IGF1R: variants seen among roughly 807,000 people sequenced by gnomAD.
IGF1R encodes the protein insulin-like growth factor 1 receptor.
Under a neutral mutation model 144.6 loss-of-function variants are expected in IGF1R, and 44 were observed. That is an observed-to-expected ratio of 0.30 (90% CI 0.24 to 0.39). IGF1R has a LOEUF of 0.39. Ranked by LOEUF, IGF1R falls within the 10% of genes least tolerant of loss-of-function variation. The pLI, the probability that IGF1R is intolerant of heterozygous loss-of-function variation, is 1.00. For synonymous variants in IGF1R, 795 were observed against 722.8 expected, an observed-to-expected ratio of 1.10 and a Z score of -1.60; for missense variants, 1,355 against 1,833.7, an observed-to-expected ratio of 0.74 and a Z score of 4.77.
intron 2 of IGF1R, among the ~76,000 whole-genome samples, chr15:98,723,839 C>A (rs548506499): frequency 6.6e-6 from 1 of 152,202 alleles, no homozygotes; most frequent in African/African-American, 2.4e-5. Flanking sequence ...TTTTTAAATG[C>A]ATGTTCTTAA....
chr15:98,938,981 T>A (rs1192857208), intron 17 of IGF1R, among the ~76,000 whole-genome samples: 1 of 152,160 alleles, frequency 6.6e-6, no homozygotes, highest in Non-Finnish European at 1.5e-5. Context: ...CCTCACCAGC[T>A]CTGATGTGGT....
At position 98,944,046 on chromosome 15, in the gene IGF1R, T is replaced by A. The variant is rs74859036; in HGVS notation, c.3587+994T>A. The stretch of plus-strand genomic sequence containing the variant: ...TTGCAATCAGCTTGTCCAAGATGGT[T>A]ATCTCTTCACTGTCAAATCAAAGTG... On this transcript the variant is annotated intron_variant, in intron 19 of 20. Transcript: ENST00000650285. Among the ~76,000 whole-genome samples, 32 of 152,348 alleles carry A rather than the reference T, an allele frequency of 2.1e-4. No homozygotes were observed. In the East Asian group the frequency reaches 6.2e-3, roughly 29 times the overall value.
At chr15:98,755,211 T>G (rs371163097) in intron 2 of IGF1R, among the ~76,000 whole-genome samples, 19 of 152,314 alleles carry the variant, frequency 1.2e-4, no homozygotes, top group African/African-American at 4.3e-4. Flanking sequence ...CGTAACATTT[T>G]TACTTTTTCT....
chr15:98,876,968 G>C (rs2013091821), intron 2 of IGF1R, among the ~76,000 whole-genome samples: 3 of 152,350 alleles, frequency 2.0e-5, no homozygotes, highest in East Asian at 1.9e-4. Flanking sequence ...GAAAAGAGTA[G>C]TGTAGCATTT....
chr15:98,816,419 G>A (rs1373029163), intron 2 of IGF1R, among the ~76,000 whole-genome samples: 1 of 152,148 alleles, frequency 6.6e-6, no homozygotes, highest in African/African-American at 2.4e-5. Flanking sequence ...GAAAGCACTT[G>A]CCTGTGTTGA....
intron 2 of IGF1R, among the ~76,000 whole-genome samples, chr15:98,814,774 A>T (rs1232244997): frequency 6.6e-6 from 1 of 151,352 alleles, no homozygotes; most frequent in African/African-American, 2.5e-5. Flanking sequence ...AAATGAATGG[A>T]AGACCAAAAA....
chr15:98,830,823 T>G (rs1345041678), intron 2 of IGF1R, among the ~76,000 whole-genome samples: 2 of 152,138 alleles, frequency 1.3e-5, no homozygotes, highest in African/African-American at 2.4e-5. Flanking sequence ...AGGCTGATCT[T>G]GAACTCCTGA....
chr15:98,708,530 T>C (rs971058978), intron 2 of IGF1R, among the ~76,000 whole-genome samples: 2 of 152,184 alleles, frequency 1.3e-5, no homozygotes, highest in Admixed American at 1.3e-4. Flanking sequence ...CGAAGTGATA[T>C]TTTTTGTTCT....
intron 2 of IGF1R, among the ~76,000 whole-genome samples, chr15:98,834,150 A>G (rs2057052178): frequency 6.6e-6 from 1 of 152,240 alleles, no homozygotes; most frequent in Admixed American, 6.5e-5. Flanking sequence ...TGTTGAAGTT[A>G]CAAGTTTACA....
At chr15:98,946,003 TGATGATGATGAC>T (rs1367956441) in intron 19 of IGF1R, among the ~76,000 whole-genome samples, 2 of 151,746 alleles carry the variant, frequency 1.3e-5, no homozygotes, top group African/African-American at 4.8e-5. Flanking sequence ...GATGCGGGGA[TGATGATGATGAC>T]GATGATGACG....
chr15:98,922,077 T>C (rs2015512564), intron 10 of IGF1R, 71 bp from the exon 11 acceptor site: 1 of 1,547,876 alleles, frequency 6.5e-7, no homozygotes, highest in African/African-American at 1.4e-5. Context: ...CTTCTGTTAC[T>C]CTTACTCAAG....
intron 2 of IGF1R, among the ~76,000 whole-genome samples, chr15:98,853,654 A>G (rs2011634857): frequency 6.6e-6 from 1 of 152,220 alleles, no homozygotes; most frequent in Non-Finnish European, 1.5e-5. Context: ...GTGGAGGATA[A>G]GCCTCCCTCC....
chr15:98,852,845 C>A (rs2011596274), intron 2 of IGF1R, among the ~76,000 whole-genome samples: 1 of 152,222 alleles, frequency 6.6e-6, no homozygotes, highest in South Asian at 2.1e-4. Context: ...GTCCTCCCTT[C>A]CCCCGGCATC....
At chr15:98,728,726 G>A (rs1434102046) in intron 2 of IGF1R, among the ~76,000 whole-genome samples, 5 of 152,240 alleles carry the variant, frequency 3.3e-5, no homozygotes, top group African/African-American at 9.6e-5. Context: ...GCACTCTCCC[G>A]AGGCCAGCTG....
chr15:98,917,091 T>C, intron 10 of IGF1R: 1 of 628,906 alleles, frequency 1.6e-6, no homozygotes. Context: ...CTTGGGTTGC[T>C]GGGGCCACCG....
In IGF1R at chr15:98,895,020, C is replaced by CAAAAAAAAAAAA. The variant is rs368393677; in HGVS notation, c.954-1733_954-1722dup. On this transcript the variant is annotated intron_variant, in intron 3 of 20. Coordinates refer to ENST00000650285, the MANE Select transcript of IGF1R (RefSeq NM_000875.5). ...TGGGCGACAGAGTGAGACCCTGTCT[C>CAAAAAAAAAAAA]AAAAAAAAAAAAAAAGACAGATTGT... is the stretch of plus-strand genomic sequence containing the variant. Among the ~76,000 whole-genome samples, 399 of 112,358 alleles carry CAAAAAAAAAAAA rather than the reference C, an allele frequency of 3.6e-3. 5 individuals are homozygous for CAAAAAAAAAAAA. The highest frequency in any genetic ancestry group is 0.013 in the African/African-American group (368 of 27,670). The allele number at this position is 112,358 out of a possible 152,430, so 73.7% of individuals were successfully genotyped here. A position where few individuals can be genotyped will look rare whatever the true frequency, so the allele number is the denominator to read the frequency against.
At chr15:98,689,894 G>A (rs901797649) in intron 1 of IGF1R, among the ~76,000 whole-genome samples, 5 of 152,214 alleles carry the variant, frequency 3.3e-5, no homozygotes, top group Non-Finnish European at 5.9e-5. Flanking sequence ...CCCTCAAGCT[G>A]TGGGCAAAGG....
intron 20 of IGF1R, chr15:98,954,418 C>CT (rs528440418): frequency 5.3e-4 from 80 of 151,314 alleles, no homozygotes; most frequent in African/African-American, 1.8e-3. Flanking sequence ...AAAAATTGTG[C>CT]TTTTTAAAAG....
At chr15:98,844,812 A>G (rs2011251063) in intron 2 of IGF1R, among the ~76,000 whole-genome samples, 1 of 152,316 alleles carries the variant, frequency 6.6e-6, no homozygotes, top group Middle Eastern at 3.4e-3. Context: ...TTTCTTCCCT[A>G]AGATTCATTT....
Sources: gnomAD v4.1 joint callset for allele counts (sites outside exome capture counted in the v4.1 genomes callset) on GRCh38, gnomAD v4.1.1 for gene constraint, MANE v1.5 for transcripts, NCBI Gene and HGNC (gene_info 2026-07-23, HGNC 2026-07-21) for gene names.